The following SLC44A5 variants were observed in gnomAD, a reference collection of about 807,000 sequenced individuals.
The protein encoded by SLC44A5 is solute carrier family 44 member 5.
In SLC44A5, 57 loss-of-function variants were observed where a neutral mutation model predicts 101.8. That is an observed-to-expected ratio of 0.56 (90% CI 0.45 to 0.70). The LOEUF is 0.70. Ranked by LOEUF, SLC44A5 falls within the 30% of genes least tolerant of loss-of-function variation. The pLI is 0.00. For synonymous variants in SLC44A5, 281 were observed against 290.9 expected (o/e 0.97, Z 0.35); for missense variants, 737 against 853.1 (o/e 0.86, Z 1.70).
chr1:75,681,631 A>G, the SLC44A5 span, among the ~76,000 whole-genome samples: 1 of 150,340 alleles, frequency 6.7e-6, no homozygotes, highest in South Asian at 2.1e-4. Flanking sequence ...GCTATCTATG[A>G]CAAACCCACG....
chr1:75,320,049 G>A (rs955536001), intron 4 of SLC44A5, among the ~76,000 whole-genome samples: 1 of 152,018 alleles, frequency 6.6e-6, no homozygotes, highest in Middle Eastern at 3.2e-3. Flanking sequence ...GCCTAAAGAA[G>A]AGATAATTAC....
At chr1:75,376,883 T>C (rs1444637939) in intron 3 of SLC44A5, among the ~76,000 whole-genome samples, 1 of 152,134 alleles carries the variant, frequency 6.6e-6, no homozygotes, top group Non-Finnish European at 1.5e-5. Flanking sequence ...TACTCTGAGC[T>C]ACGGGAGGAC....
chr1:75,452,619 A>G (rs531418113), intron 2 of SLC44A5, among the ~76,000 whole-genome samples: 24 of 152,340 alleles, frequency 1.6e-4, no homozygotes, highest in Middle Eastern at 3.4e-3. Flanking sequence ...TTGAATAAGT[A>G]AACCAGACAC....
intron 18 of SLC44A5, 87 bp downstream of exon 18, chr1:75,217,779 C>A: frequency 1.2e-6 from 1 of 847,006 alleles, no homozygotes; most frequent in Non-Finnish European, 2.0e-6. Flanking sequence ...TCCTTACTAC[C>A]CTAGTCCAAG....
intron 7 of SLC44A5, among the ~76,000 whole-genome samples, 178 bp from the exon 8 acceptor site, chr1:75,243,189 G>A (rs762103088): frequency 6.6e-6 from 1 of 151,866 alleles, no homozygotes; most frequent in African/African-American, 2.4e-5. Context: ...TTTTTTTAGA[G>A]ACAGTGGCAT....
chr1:75,473,039 C>T (rs1044843663), intron 2 of SLC44A5, among the ~76,000 whole-genome samples: 3 of 152,190 alleles, frequency 2.0e-5, no homozygotes, highest in Non-Finnish European at 4.4e-5. Context: ...TGTAAAAATA[C>T]TAGCTGTAAT....
At chr1:75,624,701 A>G in the SLC44A5 span, among the ~76,000 whole-genome samples, 24 of 152,196 alleles carry the variant, frequency 1.6e-4, no homozygotes, top group East Asian at 4.1e-3. Context: ...AACTTCTTCC[A>G]CTAGAAGAGG....
chr1:75,662,005 C>CA, the SLC44A5 span, among the ~76,000 whole-genome samples: 3 of 151,120 alleles, frequency 2.0e-5, no homozygotes, highest in African/African-American at 2.4e-5. Context: ...GGTATGTATC[C>CA]AAAAAAAAGG....
intron 1 of SLC44A5, among the ~76,000 whole-genome samples, chr1:75,610,231 TATACATATAC>T (rs1004986741): frequency 1.3e-5 from 2 of 152,006 alleles, no homozygotes; most frequent in African/African-American, 4.8e-5. Flanking sequence ...TCCATAGGTA[TATACATATAC>T]ATACATATAC....
At chr1:75,492,310 C>T (rs186839711) in intron 2 of SLC44A5, among the ~76,000 whole-genome samples, 54 of 152,218 alleles carry the variant, frequency 3.5e-4, no homozygotes, top group African/African-American at 1.3e-3. Flanking sequence ...ACTAGCCTGT[C>T]AAAACTTTAG....
At chr1:75,360,891 C>T (rs1035706684) in intron 3 of SLC44A5, among the ~76,000 whole-genome samples, 1 of 152,144 alleles carries the variant, frequency 6.6e-6, no homozygotes, top group Admixed American at 6.6e-5. Flanking sequence ...GTGTAGAGCA[C>T]TTTGCATAGT....
intron 3 of SLC44A5, among the ~76,000 whole-genome samples, chr1:75,346,120 A>T (rs1658234392): frequency 6.6e-6 from 1 of 152,140 alleles, no homozygotes; most frequent in Non-Finnish European, 1.5e-5. Flanking sequence ...CACATTGGAC[A>T]TGGCATGATT....
chr1:75,616,694 G>A, the SLC44A5 span, among the ~76,000 whole-genome samples: 10 of 152,238 alleles, frequency 6.6e-5, no homozygotes, highest in African/African-American at 1.7e-4. Flanking sequence ...AGGAAAGAGG[G>A]GAGAGGGAAA....
At chr1:75,339,561 C>A (rs753160574) in intron 4 of SLC44A5, 21 bp downstream of exon 4, 2 of 1,592,306 alleles carry the variant, frequency 1.3e-6, no homozygotes, top group East Asian at 2.3e-5. Context: ...AAAGCATATT[C>A]CCCAAAAAAT....
chr1:75,301,513 T>C (rs1222635203), intron 4 of SLC44A5, among the ~76,000 whole-genome samples: 2 of 152,150 alleles, frequency 1.3e-5, no homozygotes, highest in Non-Finnish European at 2.9e-5. Flanking sequence ...ATCAGCTCAT[T>C]TGACAGAATT....
chr1:75,321,769 AT>A (rs770992980), intron 4 of SLC44A5, among the ~76,000 whole-genome samples: 5 of 152,336 alleles, frequency 3.3e-5, no homozygotes, highest in Admixed American at 1.3e-4. Context: ...ATAATTTAGT[AT>A]TAGCGACTTT....
chr1:75,207,682 T>TA (rs1646775847), intron 23 of SLC44A5, among the ~76,000 whole-genome samples: 1 of 152,194 alleles, frequency 6.6e-6, no homozygotes, highest in African/African-American at 2.4e-5. Context: ...TTTTTGTCCT[T>TA]AATCCTATTT....
intron 2 of SLC44A5, among the ~76,000 whole-genome samples, chr1:75,512,414 T>C (rs1669613489): frequency 6.6e-6 from 1 of 152,240 alleles, no homozygotes; most frequent in South Asian, 2.1e-4. Flanking sequence ...CCTTCACCTC[T>C]GTAGATTACT....
At chr1:75,282,273 T>C (rs1652667797) in intron 5 of SLC44A5, among the ~76,000 whole-genome samples, 1 of 152,218 alleles carries the variant, frequency 6.6e-6, no homozygotes, top group Non-Finnish European at 1.5e-5. Flanking sequence ...CTATAGCCCC[T>C]TTGTTTTGGC....
Sources: gnomAD v4.1 joint callset for allele counts (sites outside exome capture counted in the v4.1 genomes callset) on GRCh38, gnomAD v4.1.1 for gene constraint, MANE v1.5 for transcripts, NCBI Gene and HGNC (gene_info 2026-07-23, HGNC 2026-07-21) for gene names.